GBP1: variants seen among roughly 807,000 people sequenced by gnomAD.
The protein encoded by GBP1 is guanylate binding protein 1.
A neutral mutation model predicts 69.5 loss-of-function variants in GBP1; 64 were observed. The observed-to-expected ratio is 0.92, with a 90% CI of 0.75 to 1.13. The LOEUF (loss-of-function observed/expected upper bound fraction) is 1.13. GBP1 is among the 50% of genes most tolerant of loss of function. The pLI is 0.00. For synonymous variants in GBP1, 250 were observed against 261.2 expected (o/e 0.96, Z 0.41); for missense variants, 630 against 704.1 (o/e 0.89, Z 1.19).
chr1:89,062,776 A>C, intron 2 of GBP1: 1 of 384,708 alleles, frequency 2.6e-6, no homozygotes. Context: ...AGTTATTATT[A>C]TGTACATTAA....
In GBP1 at chr1:89,058,908, GTCCAGGGAGAAATC is replaced by G; in HGVS notation, c.550_563del (p.Asp184LeufsTer12). The stretch of plus-strand genomic sequence containing the variant: ...TGAGGGGTTGTCCATCTGCTTCCAA[GTCCAGGGAGAAATC>G]TCTCAGTGTCCACACAAAGTCTGGG... On this transcript the variant is annotated frameshift_variant, in exon 5 of 11. Transcript: ENST00000370473. LOFTEE classifies it high-confidence loss of function. 6.2e-7 allele frequency: 1 copy of G among 1,614,168 alleles called. No individual in the cohort carries two copies. Among genetic ancestry groups the G allele is most frequent in the Non-Finnish European group, 8.5e-7 (1 of 1,180,034 alleles).
intron 4 of GBP1, 104 bp from the exon 5 acceptor site, chr1:89,059,147 G>A: frequency 6.3e-7 from 1 of 1,586,850 alleles, no homozygotes; most frequent in Non-Finnish European, 8.6e-7. Flanking sequence ...CCTAACCTAA[G>A]TGTCAGTGTC....
rs148274207 is a variant in GBP1 at position 89,064,532 on chromosome 1, C to A, written c.-20+628G>T. Among the ~76,000 whole-genome samples the A allele has an allele frequency of 8.4e-3, 1,273 of 152,234 alleles. 18 individuals are homozygous for A. The highest frequency in any genetic ancestry group is 0.029 in the African/African-American group (1,190 of 41,530). On this transcript the variant is annotated intron_variant, in intron 1 of 10. Transcript: ENST00000370473. ...AATTTCACTTCTAAGGGACAGGGAT[C>A]AGTGGGCACTAGGAAATTAGTGAGT...
chr1:89,057,445 C>A (rs1680075635), intron 6 of GBP1, among the ~76,000 whole-genome samples: 1 of 152,168 alleles, frequency 6.6e-6, no homozygotes, highest in Admixed American at 6.5e-5. Flanking sequence ...GGACAGGAAC[C>A]ATATCTATTT....
rs1680103928 is a variant in GBP1, at chr1:89,058,574, G to T, written c.631+267C>A. 7.2e-6 allele frequency: 4 copies of T among 558,546 alleles called. No individual in the cohort carries two copies. The South Asian group carries it at 8.4e-5, about 12-fold the overall frequency. The allele number at this position is 558,546 out of a possible 1,614,324, so 34.6% of individuals were successfully genotyped here. Reference sequence around the variant, plus strand: ...CTCCATACTCTATGGCTAAGTAGAAGATCACAAACCCTAGGCAGGGAGATA... The same window carrying T: ...CTCCATACTCTATGGCTAAGTAGAATATCACAAACCCTAGGCAGGGAGATA... On this transcript the variant is annotated intron_variant, in intron 5 of 10. Coordinates refer to ENST00000370473, the MANE Select transcript of GBP1 (RefSeq NM_002053.3).
At position 89,056,888 on chromosome 1, in the gene GBP1, T is replaced by G. The variant is rs761206060; in HGVS notation, c.1121A>C (p.Lys374Thr). Residue 374 changes from lysine (K) to threonine (T), a missense_variant, in exon 7 of 11, where the codon AAA becomes ACA. Lys to Thr is a moderately conservative substitution (Grantham distance 78). Transcript: ENST00000370473. ...CTTTTGAAATAGATGGTCCACATCT[T>G]TGAAGGAACTCCTGATGAAGACTTC... is the stretch of plus-strand genomic sequence containing the variant. Reference protein sequence around the residue: ...AIEVFIRSSFKDVDHLFQKEL... With the variant: ...AIEVFIRSSFTDVDHLFQKEL... 3.5e-5 allele frequency: 56 copies of G among 1,614,144 alleles called. No individual in the cohort carries two copies. The highest frequency in any genetic ancestry group is 4.7e-5 in the Non-Finnish European group (55 of 1,180,048).
chr1:89,055,791 A>G, intron 8 of GBP1: 1 of 606,030 alleles, frequency 1.7e-6, no homozygotes, highest in Non-Finnish European at 2.9e-6. Context: ...TTTGTGCTTC[A>G]TCTGCTAATT....
intron 1 of GBP1, among the ~76,000 whole-genome samples, chr1:89,064,205 GT>G (rs1435332536): frequency 6.7e-5 from 3 of 44,634 alleles, no homozygotes; most frequent in Admixed American, 5.5e-4. Context: ...GGGAATGTGT[GT>G]GTGTGTGTGT....
At chr1:89,057,215 C>CA (rs1680072031) in intron 6 of GBP1, 81 bp from the exon 7 acceptor site, 4 of 1,563,656 alleles carry the variant, frequency 2.6e-6, no homozygotes, top group Non-Finnish European at 3.5e-6. Flanking sequence ...TGTCAAATAC[C>CA]ACCTATTTTC....
intron 10 of GBP1, among the ~76,000 whole-genome samples, chr1:89,054,050 T>A (rs1344673916): frequency 2.6e-5 from 4 of 152,248 alleles, no homozygotes; most frequent in African/African-American, 9.6e-5. Context: ...AACCTTTGTT[T>A]CTTCTTCTAA....
chr1:89,061,444 T>C (rs1680195250), intron 2 of GBP1, among the ~76,000 whole-genome samples: 1 of 152,152 alleles, frequency 6.6e-6, no homozygotes, highest in South Asian at 2.1e-4. Flanking sequence ...CAAATGATGT[T>C]GAGGAAATGA....
intron 6 of GBP1, 133 bp downstream of exon 6, chr1:89,057,859 A>G: frequency 9.7e-7 from 1 of 1,030,322 alleles, no homozygotes; most frequent in East Asian, 2.4e-5. Flanking sequence ...TATGTTAGAA[A>G]CATTGGTGCC....
At chr1:89,064,230 TGTGTGTGTGTGAGAGA>T (rs1255428822) in intron 1 of GBP1, among the ~76,000 whole-genome samples, 2 of 110,456 alleles carry the variant, frequency 1.8e-5, no homozygotes, top group African/African-American at 6.6e-5. Context: ...TGTGTGTGTG[TGTGTGTGTGTGAGAGA>T]GAGAGAGAGA....
chr1:89,057,967 C>CAGA (rs752298375), intron 6 of GBP1, 25 bp downstream of exon 6: 1 of 1,594,780 alleles, frequency 6.3e-7, no homozygotes, highest in East Asian at 2.2e-5. Context: ...AAACAATGAG[C>CAGA]AGAAGTACTA....
intron 1 of GBP1, among the ~76,000 whole-genome samples, chr1:89,064,316 G>C (rs1570285612): frequency 6.6e-6 from 1 of 150,818 alleles, no homozygotes; most frequent in Non-Finnish European, 1.5e-5. Flanking sequence ...CTAGTGTCTT[G>C]ACAAGGCATT....
intron 2 of GBP1, among the ~76,000 whole-genome samples, chr1:89,061,363 GAT>G (rs1468200545): frequency 6.6e-6 from 1 of 152,080 alleles, no homozygotes; most frequent in Non-Finnish European, 1.5e-5. Context: ...AATAAACTCT[GAT>G]ATATATGGTC....
chr1:89,062,674 C>A, intron 2 of GBP1: 1 of 176,720 alleles, frequency 5.7e-6, no homozygotes, highest in Non-Finnish European at 1.2e-5. Flanking sequence ...AAATAATATC[C>A]ACTACAGATT....
intron 1 of GBP1, among the ~76,000 whole-genome samples, chr1:89,064,240 T>TGTGTGTGAGA (rs1243424526): frequency 3.8e-4 from 38 of 100,052 alleles, no homozygotes; most frequent in African/African-American, 1.5e-3. Flanking sequence ...TGTGTGTGTG[T>TGTGTGTGAGA]GAGAGAGAGA....
In GBP1 at chr1:89,059,362, T is replaced by C. The variant is rs749357791; in HGVS notation, c.383A>G (p.Tyr128Cys). The C allele has an allele frequency of 3.7e-6, 6 of 1,614,086 alleles. No homozygotes were observed. The highest frequency in any genetic ancestry group is 1.7e-5 in the Admixed American group (1 of 60,016). The change falls in exon 4 of 11, where the codon TAC becomes TGC. Residue 128 changes from tyrosine (Y) to cysteine (C), a missense_variant. Physicochemically the swap from Tyr to Cys is radical, Grantham distance 194. This residue lies in a region of GBP1 where 26 missense variants were observed against 54.9 expected (regional missense o/e 0.47). Coordinates refer to ENST00000370473, the MANE Select transcript of GBP1 (RefSeq NM_002053.3). ...LAVLLSSTFV[Y>C]NSIGTINQQA... The stretch of plus-strand genomic sequence containing the variant: ...CTGGTTGATGGTTCCTATGCTATTG[T>C]ACACGAAGGTGCTGCTCAGGAGGAC...
Sources: allele counts gnomAD v4.1 joint callset (sites outside exome capture counted in the v4.1 genomes callset), GRCh38; gene constraint gnomAD v4.1.1; regional missense constraint gnomAD v4.1.1; transcripts MANE v1.5; gene names NCBI Gene and HGNC (gene_info 2026-07-23, HGNC 2026-07-21).